The following PPFIA4 variants were observed in gnomAD, a reference collection of about 807,000 sequenced individuals.
The protein encoded by PPFIA4 is liprin-alpha-4.
A neutral mutation model predicts 145.7 loss-of-function variants in PPFIA4; 98 were observed. The observed-to-expected ratio is 0.67, with a 90% CI of 0.57 to 0.80. PPFIA4 has a LOEUF of 0.80. Ranked by LOEUF, PPFIA4 falls within the 30% of genes least tolerant of loss-of-function variation. The probability of loss-of-function intolerance (pLI) is 0.00; values close to 1 mark genes in which losing one functional copy is unlikely to be tolerated. For missense variants in PPFIA4, 1,457 were observed against 1,632.7 expected, an observed-to-expected ratio of 0.89 and a Z score of 1.85; for synonymous variants, 628 against 649.6, an observed-to-expected ratio of 0.97 and a Z score of 0.51.
At chr1:203,067,471 G>A (rs1558099326) in intron 25 of PPFIA4, 9 of 496,142 alleles carry the variant, frequency 1.8e-5, no homozygotes, top group South Asian at 1.6e-4. Flanking sequence ...CCCCAGGCCC[G>A]CTCCCTGACT....
intron 1 of PPFIA4, among the ~76,000 whole-genome samples, chr1:203,032,436 G>A (rs201230549): frequency 8.6e-5 from 3 of 34,860 alleles, no homozygotes; most frequent in Non-Finnish European, 1.4e-4. Flanking sequence ...CTTTTTTGTT[G>A]TTGTTGTTGT....
In PPFIA4 at chr1:203,077,392, C is replaced by T. The variant is rs1239836438; in HGVS notation, c.*1002C>T. 6.6e-6 allele frequency: 1 copy of T among 152,224 alleles called. No homozygotes were observed. Among genetic ancestry groups the T allele is most frequent in the Non-Finnish European group, 1.5e-5 (1 of 68,070 alleles). 9.4% of individuals were successfully genotyped at this position (152,224 alleles called of 1,614,324 possible). ...TGCCTCACTTCTTTAGTAATCCCAA[C>T]CCTATAAAAATGAACCTAATGGGTG... On this transcript the variant is annotated 3_prime_UTR_variant, in exon 30 of 30. Transcript: ENST00000295706.
chr1:203,072,407 C>T (rs1379881430), intron 28 of PPFIA4, among the ~76,000 whole-genome samples: 2 of 152,252 alleles, frequency 1.3e-5, no homozygotes, highest in Non-Finnish European at 2.9e-5. Flanking sequence ...CACTTGATTT[C>T]ATCAGGCATT....
In PPFIA4 at chr1:203,068,604, C is replaced by G. The variant is rs775692639; in HGVS notation, c.3300C>G (p.Leu1100=). 1.5e-5 allele frequency: 23 copies of G among 1,561,236 alleles called. No homozygotes were observed. In the East Asian group the frequency reaches 3.4e-4, roughly 23 times the overall value. The change falls in exon 27 of 30, where the codon CTC becomes CTG. Residue 1100 remains leucine (L), a synonymous_variant. Coordinates refer to ENST00000295706, the MANE Select transcript of PPFIA4 (RefSeq NM_001304331.2). The surrounding 1 kb of genome is among the most constrained non-coding windows in gnomAD (Gnocchi z 4.7). ...ACCACAACACACTGGCCCTGATCCT[C>G]CAGATCCCCACACAGAACACCCAGG... ...NFDHNTLALI[L]QIPTQNTQAR...
At chr1:203,028,912 C>G (rs1040677924) in intron 1 of PPFIA4, among the ~76,000 whole-genome samples, 1 of 152,132 alleles carries the variant, frequency 6.6e-6, no homozygotes, top group Non-Finnish European at 1.5e-5. Context: ...GGTGCTGGCT[C>G]ACAGGAGCGT....
intron 1 of PPFIA4, chr1:203,035,312 C>T: frequency 2.2e-6 from 1 of 456,672 alleles, no homozygotes; most frequent in South Asian, 1.5e-5. Flanking sequence ...CGTGGCCAGG[C>T]CTGCCATCTG....
In PPFIA4 at chr1:203,070,601, A is replaced by G. The variant is rs868777096; in HGVS notation, c.3325-1091A>G. ...TGTCTCCCTCAAAAAAAAAAAAAAA[A>G]AAAAAGGTTAAAAATATCTGGTAGC... is the stretch of plus-strand genomic sequence containing the variant. On this transcript the variant is annotated intron_variant, in intron 27 of 29. Transcript: ENST00000295706. Among the ~76,000 whole-genome samples, 349 of 151,794 alleles carry G rather than the reference A, an allele frequency of 2.3e-3. 1 individual carries two copies. Among genetic ancestry groups the G allele is most frequent in the Non-Finnish European group, 4.0e-3 (275 of 67,926 alleles).
In PPFIA4 at chr1:203,063,731, G is replaced by A. The variant is rs1057027833; in HGVS notation, c.2875-97G>A. 3.0e-5 allele frequency: 38 copies of A among 1,247,536 alleles called. No homozygotes were observed. The Middle Eastern group carries it at 7.6e-4, about 25-fold the overall frequency. The allele number at this position is 1,247,536 out of a possible 1,614,324, so 77.3% of individuals were successfully genotyped here. ...CTGCCCTTCCTCCCTCATGGGTGGA[G>A]GATGGATTCATGTGTCTCCCGACCA... is the stretch of plus-strand genomic sequence containing the variant. On this transcript the variant is annotated intron_variant, in intron 24 of 29. Transcript: ENST00000295706.
rs1660261400 is a variant in PPFIA4 at position 203,048,664 on chromosome 1, G to A, written c.1306G>A (p.Glu436Lys). The change falls in exon 11 of 30, where the codon GAG becomes AAG. Residue 436 changes from glutamate to lysine, a missense_variant. Coordinates refer to ENST00000295706, the MANE Select transcript of PPFIA4 (RefSeq NM_001304331.2). The surrounding 1 kb of genome is among the most constrained non-coding windows in gnomAD (Gnocchi z 5.8). ...TVDRLLSESN[E>K]RLQLHLKERM... is the part of the protein sequence containing the mutation. ...GGACCGGCTGCTCAGCGAGTCCAAC[G>A]AGCGTCTGCAGCTCCACCTGAAGGA... The A allele has an allele frequency of 1.2e-6, 2 of 1,608,902 alleles. No individual in the cohort carries two copies. The highest frequency in any genetic ancestry group is 1.1e-5 in the South Asian group (1 of 90,266).
At chr1:203,066,583 T>G (rs1425073963) in intron 25 of PPFIA4, among the ~76,000 whole-genome samples, 1 of 152,154 alleles carries the variant, frequency 6.6e-6, no homozygotes, top group African/African-American at 2.4e-5. Flanking sequence ...CTGGAGGCAT[T>G]CAGGCACAGG....
At chr1:203,046,594 C>T in intron 9 of PPFIA4, 1 of 474,578 alleles carries the variant, frequency 2.1e-6, no homozygotes, top group South Asian at 4.6e-5. Flanking sequence ...GTGACAGTCT[C>T]ATAAGAAGGG....
At chr1:203,027,353 TG>T (rs1302969682) in intron 1 of PPFIA4, among the ~76,000 whole-genome samples, 8 of 151,916 alleles carry the variant, frequency 5.3e-5, no homozygotes, top group Admixed American at 5.2e-4. Context: ...GTTTTGATGG[TG>T]GGTGGGAAGA....
intron 23 of PPFIA4, chr1:203,061,236 G>T: frequency 1.7e-6 from 1 of 603,822 alleles, no homozygotes; most frequent in Non-Finnish European, 2.9e-6. Context: ...GTATGTGTGT[G>T]ATCCTTCCCA....
chr1:203,053,382 A>G (rs541491098), intron 14 of PPFIA4, among the ~76,000 whole-genome samples: 2 of 152,000 alleles, frequency 1.3e-5, no homozygotes, highest in African/African-American at 4.8e-5. Flanking sequence ...AAATACAAAA[A>G]ATCAGCCGGG....
Position 203,039,260 on chromosome 1 carries a change from G to A in PPFIA4, c.234+18G>A. ...TCCCCCAGGTAAGGCCCGAAGGCCT[G>A]CGTCTCTCTTAACCCCTTTCCCTCC... On this transcript the variant is annotated intron_variant, in intron 2 of 29. Transcript: ENST00000295706. 1.3e-6 allele frequency: 2 copies of A among 1,540,660 alleles called. No individual in the cohort carries two copies. The highest frequency in any genetic ancestry group is 1.7e-6 in the Non-Finnish European group (2 of 1,143,758).
Position 203,037,838 on chromosome 1 carries a change from CT to C in PPFIA4, c.-399-771del, listed in dbSNP as rs570901621. 7.2e-3 allele frequency among the ~76,000 whole-genome samples: 1,101 copies of C among 152,322 alleles called. 2 individuals carry two copies. The highest frequency in any genetic ancestry group is 0.011 in the Non-Finnish European group (779 of 68,014). On this transcript the variant is annotated intron_variant, in intron 1 of 29. Transcript: ENST00000295706. ...GGCACCCTGCACCTCTATATCACCC[CT>C]GGGTTCCTTTCCATCATTCAGTCCC...
At chr1:203,072,975 C>T (rs1216527615) in intron 28 of PPFIA4, among the ~76,000 whole-genome samples, 1 of 149,634 alleles carries the variant, frequency 6.7e-6, no homozygotes, top group Non-Finnish European at 1.5e-5. Flanking sequence ...ACTAATTCCA[C>T]ATGCACTCAG....
chr1:203,071,436 G>GCTGAGATTACAGGCGTGAGCCACCGCA (rs1662153495), intron 27 of PPFIA4, among the ~76,000 whole-genome samples: 1 of 67,056 alleles, frequency 1.5e-5, no homozygotes, highest in Admixed American at 1.2e-4. Context: ...CTCCCAAAGT[G>GCTGAGATTACAGGCGTGAGCCACCGCA]CCCGGCCACT....
intron 2 of PPFIA4, among the ~76,000 whole-genome samples, chr1:203,041,638 T>C (rs1413883881): frequency 6.6e-6 from 1 of 151,708 alleles, no homozygotes; most frequent in Admixed American, 6.6e-5. Flanking sequence ...GACAGCAGGG[T>C]GTCAGATAGG....
Sources: allele counts gnomAD v4.1 joint callset (sites outside exome capture counted in the v4.1 genomes callset), GRCh38; gene constraint gnomAD v4.1.1; non-coding constraint Gnocchi (gnomAD v3.1); transcripts MANE v1.5; gene names NCBI Gene and HGNC (gene_info 2026-07-23, HGNC 2026-07-21).